The following PPP2R2B variants were observed in gnomAD, a reference collection of about 807,000 sequenced individuals.
PPP2R2B encodes the protein protein phosphatase 2 regulatory subunit Bbeta, also known as serine/threonine-protein phosphatase 2A 55 kDa regulatory subunit B beta isoform.
Under a neutral mutation model 46.0 loss-of-function variants are expected in PPP2R2B, and 5 were observed. The observed-to-expected ratio is 0.11, with a 90% confidence interval of 0.06 to 0.23. The LOEUF (loss-of-function observed/expected upper bound fraction) is 0.23. Among genes scored for constraint, PPP2R2B ranks in the 10% least tolerant of loss-of-function variants. PPP2R2B has a pLI of 1.00. For missense variants in PPP2R2B, 367 were observed against 575.0 expected (o/e 0.64, Z 3.70); for synonymous variants, 215 against 206.7 (o/e 1.04, Z -0.34).
chr5:146,925,690 A>T (rs973555010), intron 1 of PPP2R2B, among the ~76,000 whole-genome samples: 2 of 152,098 alleles, frequency 1.3e-5, no homozygotes, highest in African/African-American at 4.8e-5. Context: ...TAAAAAATCA[A>T]ATTTTGGAAG....
At chr5:147,057,050 T>C (rs868789080), upstream of PPP2R2B, among the ~76,000 whole-genome samples, 4 of 152,314 alleles carry the variant, frequency 2.6e-5, no homozygotes, top group South Asian at 6.2e-4. Flanking sequence ...TTTTTAAGCC[T>C]TTATGGGCTC....
intron 1 of PPP2R2B, among the ~76,000 whole-genome samples, chr5:147,007,374 A>G (rs1754492367): frequency 6.6e-6 from 1 of 152,124 alleles, no homozygotes; most frequent in African/African-American, 2.4e-5. Context: ...AAACGCACCA[A>G]TCAGCACTCT....
intron 5 of PPP2R2B, among the ~76,000 whole-genome samples, chr5:146,656,046 CA>C (rs567570507): frequency 6.6e-6 from 1 of 152,286 alleles, no homozygotes; most frequent in African/African-American, 2.4e-5. Flanking sequence ...ATTCATTCAA[CA>C]AATACTTATT....
At chr5:146,958,403 A>T (rs1398017970) in intron 1 of PPP2R2B, among the ~76,000 whole-genome samples, 1 of 152,170 alleles carries the variant, frequency 6.6e-6, no homozygotes, top group African/African-American at 2.4e-5. Flanking sequence ...TGGGTATGGC[A>T]TATTTACCTT....
At chr5:146,968,308 A>G (rs539949588) in intron 1 of PPP2R2B, among the ~76,000 whole-genome samples, 2 of 152,250 alleles carry the variant, frequency 1.3e-5, no homozygotes, top group South Asian at 4.1e-4. Flanking sequence ...ATGTTTTCAT[A>G]TATTTATGTA....
chr5:147,065,279 A>C (rs1757385994), intron 2 of PPP2R2B, among the ~76,000 whole-genome samples: 1 of 152,084 alleles, frequency 6.6e-6, no homozygotes, highest in African/African-American at 2.4e-5. Flanking sequence ...ACCAACACTG[A>C]GATTTGAATG....
chr5:146,940,507 A>AG (rs200580002), intron 1 of PPP2R2B, among the ~76,000 whole-genome samples: 22 of 139,212 alleles, frequency 1.6e-4, no homozygotes, highest in Middle Eastern at 3.5e-3. Context: ...AACATTTGCT[A>AG]GGGGAAAAAA....
At chr5:146,704,448 T>G (rs1779715183) in intron 2 of PPP2R2B, among the ~76,000 whole-genome samples, 1 of 152,214 alleles carries the variant, frequency 6.6e-6, no homozygotes, top group Non-Finnish European at 1.5e-5. Flanking sequence ...AATTCCACAT[T>G]TCATTAACTG....
chr5:147,052,601 AG>A (rs1471752491), intron 1 of PPP2R2B, among the ~76,000 whole-genome samples: 1 of 152,170 alleles, frequency 6.6e-6, no homozygotes, highest in Non-Finnish European at 1.5e-5. Context: ...GGAAAAGAAA[AG>A]CAGCCCAAAA....
In PPP2R2B at chr5:146,589,690, T is replaced by TTCAAG. The variant is rs1770405052; in HGVS notation, c.*252_*256dup. 2 of 446,436 alleles carry TTCAAG rather than the reference T, an allele frequency of 4.5e-6. No homozygotes were observed. The highest frequency in any genetic ancestry group is 3.8e-5 in the Admixed American group (1 of 25,990). The allele number at this position is 446,436 out of a possible 1,614,324, so 27.7% of individuals were successfully genotyped here. On this transcript the variant is annotated 3_prime_UTR_variant, in exon 10 of 10. Coordinates refer to ENST00000394411, the MANE Select transcript of PPP2R2B (RefSeq NM_181675.4). The stretch of plus-strand genomic sequence containing the variant: ...AACTGGGCAATAAAAGCATCAGAAG[T>TTCAAG]TCAAGTCAACTATGGAAGAATTACT...
At chr5:146,735,730 A>C (rs1365122361) in intron 2 of PPP2R2B, among the ~76,000 whole-genome samples, 1 of 152,212 alleles carries the variant, frequency 6.6e-6, no homozygotes, top group Non-Finnish European at 1.5e-5. Context: ...CTTAGCCAGC[A>C]GTTCTCAGTA....
chr5:146,592,531 G>A (rs1770760718), intron 9 of PPP2R2B, among the ~76,000 whole-genome samples: 1 of 152,208 alleles, frequency 6.6e-6, no homozygotes, highest in African/African-American at 2.4e-5. Context: ...AAATGAGGTT[G>A]ACTAGAATTC....
intron 1 of PPP2R2B, among the ~76,000 whole-genome samples, chr5:146,971,868 C>G (rs1199504725): frequency 6.6e-6 from 1 of 151,896 alleles, no homozygotes; most frequent in Non-Finnish European, 1.5e-5. Context: ...ATGGAAAATC[C>G]CTGTATATTC....
chr5:147,003,324 T>C (rs910162956), intron 1 of PPP2R2B, among the ~76,000 whole-genome samples: 4 of 152,012 alleles, frequency 2.6e-5, no homozygotes, highest in Non-Finnish European at 4.4e-5. Flanking sequence ...CCCCGGGCTA[T>C]AGGTTATGTC....
At chr5:146,767,496 GA>G (rs1182427654) in intron 2 of PPP2R2B, among the ~76,000 whole-genome samples, 1 of 151,920 alleles carries the variant, frequency 6.6e-6, no homozygotes, top group Non-Finnish European at 1.5e-5. Context: ...AAGAAGCTTT[GA>G]AATGGCTGAT....
chr5:147,043,421 G>C (rs1223343135), intron 1 of PPP2R2B, among the ~76,000 whole-genome samples: 2 of 152,038 alleles, frequency 1.3e-5, no homozygotes, highest in Non-Finnish European at 2.9e-5. Context: ...ACCACGTGAG[G>C]ACTCAGTTGA....
At chr5:146,635,913 T>G (rs990107799) in intron 7 of PPP2R2B, among the ~76,000 whole-genome samples, 1 of 152,214 alleles carries the variant, frequency 6.6e-6, no homozygotes, top group Non-Finnish European at 1.5e-5. Context: ...ATTGAACAAT[T>G]CATATCACGT....
chr5:146,925,476 C>A (rs76989914), intron 1 of PPP2R2B, among the ~76,000 whole-genome samples: 1 of 152,166 alleles, frequency 6.6e-6, no homozygotes, highest in Non-Finnish European at 1.5e-5. Context: ...TTCCTTCTGG[C>A]ATCCATGGTT....
intron 2 of PPP2R2B, among the ~76,000 whole-genome samples, chr5:146,807,861 A>G (rs1181876283): frequency 7.8e-6 from 1 of 127,958 alleles, no homozygotes; most frequent in African/African-American, 2.9e-5. Flanking sequence ...GTGCAATGGC[A>G]CGATCTCAGC....
Sources: allele counts gnomAD v4.1 joint callset (sites outside exome capture counted in the v4.1 genomes callset), GRCh38; gene constraint gnomAD v4.1.1; transcripts MANE v1.5; gene names NCBI Gene and HGNC (gene_info 2026-07-23, HGNC 2026-07-21).